MLLT10: variants seen among roughly 807,000 people sequenced by gnomAD.
MLLT10 encodes the protein MLLT10 histone lysine methyltransferase DOT1L cofactor, also known as protein AF-10.
In MLLT10, 30 loss-of-function variants were observed where a neutral mutation model predicts 129.1. The ratio of observed to expected loss-of-function variants is 0.23; its 90% CI spans 0.17 to 0.32. MLLT10 has a LOEUF of 0.32. Ranked by LOEUF, MLLT10 falls within the 10% of genes least tolerant of loss-of-function variation. The pLI, the probability that MLLT10 is intolerant of heterozygous loss-of-function variation, is 1.00. For missense variants in MLLT10, 1,119 were observed against 1,268.3 expected (o/e 0.88, Z 1.79); for synonymous variants, 490 against 446.4 (o/e 1.10, Z -1.23).
chr10:21,575,960 TCTGTCACC>T (rs2040692156), intron 3 of MLLT10, among the ~76,000 whole-genome samples: 1 of 152,088 alleles, frequency 6.6e-6, no homozygotes, highest in Non-Finnish European at 1.5e-5. Flanking sequence ...GAGGTTTTAC[TCTGTCACC>T]CAGGCTGGAG....
At position 21,538,695 on chromosome 10, in the gene MLLT10, T is replaced by TG. The variant is rs1169698035; in HGVS notation, c.161-137dup. ...TAAGCTGTATATGTGATAAATAGGATGTGAACTGTTTTACTTCTCTGTAAA... is the reference window on the plus strand; with the variant it reads ...TAAGCTGTATATGTGATAAATAGGATGGTGAACTGTTTTACTTCTCTGTAAA... On this transcript the variant is annotated intron_variant, in intron 2 of 22. Transcript: ENST00000307729. 27 of 578,096 alleles carry TG rather than the reference T, an allele frequency of 4.7e-5. No individual in the cohort carries two copies. The Admixed American group carries it at 6.6e-4, about 14-fold the overall frequency. 35.8% of individuals were successfully genotyped at this position (578,096 alleles called of 1,614,324 possible).
At chr10:21,596,415 C>G (rs898584380) in intron 5 of MLLT10, among the ~76,000 whole-genome samples, 7 of 151,864 alleles carry the variant, frequency 4.6e-5, no homozygotes, top group South Asian at 4.1e-4. Flanking sequence ...ATTAAGCAAC[C>G]CTTTGTGGTT....
intron 3 of MLLT10, among the ~76,000 whole-genome samples, chr10:21,584,608 C>T (rs2041815174): frequency 6.6e-6 from 1 of 152,004 alleles, no homozygotes; most frequent in Non-Finnish European, 1.5e-5. Flanking sequence ...GGCACTGCAC[C>T]CGGCCTCATT....
chr10:21,685,423 C>G (rs1005002756), intron 13 of MLLT10, among the ~76,000 whole-genome samples: 1 of 152,126 alleles, frequency 6.6e-6, no homozygotes, highest in African/African-American at 2.4e-5. Context: ...CAACCTCTGC[C>G]TCCTGAATTC....
At chr10:21,604,388 A>G (rs1031640685) in intron 5 of MLLT10, among the ~76,000 whole-genome samples, 16 of 152,132 alleles carry the variant, frequency 1.1e-4, no homozygotes, top group African/African-American at 3.9e-4. Context: ...TCAGGAGTTC[A>G]AGACCAGCCT....
intron 8 of MLLT10, among the ~76,000 whole-genome samples, chr10:21,646,095 C>G (rs959193001): frequency 6.6e-6 from 1 of 152,096 alleles, no homozygotes; most frequent in Admixed American, 6.6e-5. Flanking sequence ...ATCCCAGCTA[C>G]GTGGATGGCT....
At chr10:21,731,135 T>C in intron 17 of MLLT10, 81 bp downstream of exon 17, 1 of 1,251,412 alleles carries the variant, frequency 8.0e-7, no homozygotes, top group Non-Finnish European at 1.1e-6. Flanking sequence ...AAGTCACTTT[T>C]CATCCAGAGT....
At chr10:21,567,250 G>A (rs1175688573) in intron 3 of MLLT10, among the ~76,000 whole-genome samples, 1 of 152,178 alleles carries the variant, frequency 6.6e-6, no homozygotes, top group African/African-American at 2.4e-5. Context: ...GAGAGTGTTG[G>A]TGCCACTTTG....
intron 13 of MLLT10, among the ~76,000 whole-genome samples, chr10:21,690,717 T>C (rs2053768951): frequency 6.6e-6 from 1 of 152,124 alleles, no homozygotes; most frequent in South Asian, 2.1e-4. Flanking sequence ...GCCTATTCCT[T>C]AACTATTACA....
At chr10:21,700,623 G>A (rs958524580) in intron 13 of MLLT10, among the ~76,000 whole-genome samples, 2 of 152,086 alleles carry the variant, frequency 1.3e-5, no homozygotes, top group Admixed American at 6.6e-5. Context: ...GATCATATGG[G>A]TTTTGTCCTT....
intron 4 of MLLT10, among the ~76,000 whole-genome samples, chr10:21,588,436 A>G (rs189230969): frequency 6.2e-4 from 94 of 152,096 alleles, no homozygotes; most frequent in African/African-American, 2.0e-3. Flanking sequence ...TATCTAATCA[A>G]TCAGTTCTTG....
chr10:21,572,991 T>G (rs1166216265), intron 3 of MLLT10, among the ~76,000 whole-genome samples: 1 of 152,158 alleles, frequency 6.6e-6, no homozygotes, highest in East Asian at 1.9e-4. Flanking sequence ...TTATAAAGTA[T>G]TATAAAAATT....
intron 14 of MLLT10, among the ~76,000 whole-genome samples, chr10:21,720,869 A>G (rs906911541): frequency 1.3e-5 from 2 of 152,208 alleles, no homozygotes; most frequent in African/African-American, 2.4e-5. Context: ...AGCCCTTTGC[A>G]TATATTAACT....
At chr10:21,563,924 T>G (rs963751341) in intron 3 of MLLT10, among the ~76,000 whole-genome samples, 2 of 151,942 alleles carry the variant, frequency 1.3e-5, no homozygotes, top group Non-Finnish European at 1.5e-5. Flanking sequence ...ACCATTCTCC[T>G]GCCTCAGCCT....
At chr10:21,605,632 G>A (rs575551948) in intron 5 of MLLT10, among the ~76,000 whole-genome samples, 1 of 152,000 alleles carries the variant, frequency 6.6e-6, no homozygotes, top group South Asian at 2.1e-4. Flanking sequence ...ATAGTGACTG[G>A]GTATGTTGCC....
intron 16 of MLLT10, among the ~76,000 whole-genome samples, chr10:21,730,144 A>C (rs1357344667): frequency 6.6e-6 from 1 of 151,840 alleles, no homozygotes; most frequent in African/African-American, 2.4e-5. Context: ...GCCCAAAAAA[A>C]AGCTGTGCGT....
intron 8 of MLLT10, among the ~76,000 whole-genome samples, chr10:21,637,001 G>T (rs2047524154): frequency 6.6e-6 from 1 of 152,106 alleles, no homozygotes; most frequent in South Asian, 2.1e-4. Context: ...GGCCTTAGTG[G>T]GTGTGGCGTT....
chr10:21,625,496 C>T, intron 8 of MLLT10: 1 of 984,386 alleles, frequency 1.0e-6, no homozygotes, highest in Non-Finnish European at 1.6e-6. Flanking sequence ...TCAACTGTAA[C>T]TACATTTCCC....
Position 21,626,087 on chromosome 10 carries a change from GT to G in MLLT10, c.699+8881del, listed in dbSNP as rs774838145. 460 of 1,598,100 alleles carry G rather than the reference GT, an allele frequency of 2.9e-4. 1 individual carries two copies. The highest frequency in any genetic ancestry group is 7.8e-4 in the Middle Eastern group (4 of 5,154). On this transcript the variant is annotated intron_variant, in intron 8 of 22. Coordinates refer to ENST00000307729, the MANE Select transcript of MLLT10 (RefSeq NM_001195626.3). ...GATCTTCACTTCATCAGGTCCCTTTGTGGACTCTTGCACCTAGCTCCCCTGT... is the reference window on the plus strand; with the variant it reads ...GATCTTCACTTCATCAGGTCCCTTTGGGACTCTTGCACCTAGCTCCCCTGT...
Sources: allele counts gnomAD v4.1 joint callset (sites outside exome capture counted in the v4.1 genomes callset), GRCh38; gene constraint gnomAD v4.1.1; transcripts MANE v1.5; gene names NCBI Gene and HGNC (gene_info 2026-07-23, HGNC 2026-07-21).